Variants in SHCBP1 observed in about 807,000 individuals in gnomAD.
SHCBP1 encodes the protein SHC SH2 domain-binding protein 1.
In SHCBP1, 60 loss-of-function variants were observed where a neutral mutation model predicts 75.1. That is an observed-to-expected ratio of 0.80 (90% CI 0.65 to 0.99). SHCBP1 has a LOEUF of 0.99. Ranked by LOEUF, SHCBP1 falls within the 50% of genes least tolerant of loss-of-function variation. The pLI is 0.00. For missense variants in SHCBP1, 709 were observed against 809.4 expected (o/e 0.88, Z 1.50); for synonymous variants, 290 against 293.2 (o/e 0.99, Z 0.11).
At position 46,592,951 on chromosome 16, in the gene SHCBP1, C is replaced by CAAAAAAAAAAAA; in HGVS notation, c.1464+2589_1464+2600dup. ...AACATCCACTTATGATAAAAATTCT[C>CAAAAAAAAAAAA]AAAAAAAAAAAAAAAAAAAAAAAAA... is the stretch of plus-strand genomic sequence containing the variant. On this transcript the variant is annotated intron_variant, in intron 10 of 12. Coordinates refer to ENST00000303383, the MANE Select transcript of SHCBP1 (RefSeq NM_024745.5). Among the ~76,000 whole-genome samples the CAAAAAAAAAAAA allele has an allele frequency of 8.0e-3, 183 of 22,776 alleles. 20 individuals are homozygous for CAAAAAAAAAAAA. The highest frequency in any genetic ancestry group is 0.024 in the Admixed American group (23 of 954). 14.9% of individuals were successfully genotyped at this position (22,776 alleles called of 152,430 possible). A position where few individuals can be genotyped will look rare whatever the true frequency, so the allele number is the denominator to read the frequency against.
At chr16:46,601,900 C>T (rs1965243478) in intron 8 of SHCBP1, among the ~76,000 whole-genome samples, 1 of 152,160 alleles carries the variant, frequency 6.6e-6, no homozygotes. Flanking sequence ...GTACTATTGA[C>T]ACCCTGCACA....
chr16:46,585,684 T>A (rs1441033562), intron 10 of SHCBP1, among the ~76,000 whole-genome samples: 1 of 152,146 alleles, frequency 6.6e-6, no homozygotes, highest in African/African-American at 2.4e-5. Context: ...GAAAACTATA[T>A]GAGGAGCCTG....
At chr16:46,585,942 C>A (rs964665511) in intron 10 of SHCBP1, among the ~76,000 whole-genome samples, 1 of 152,192 alleles carries the variant, frequency 6.6e-6, no homozygotes. Context: ...ATGACTTCTA[C>A]CTCCACCAGT....
Position 46,615,967 on chromosome 16 carries a change from G to A in SHCBP1, c.575C>T (p.Ala192Val). 1 of 1,614,046 alleles carries A rather than the reference G, an allele frequency of 6.2e-7. No individual in the cohort carries two copies. The highest frequency in any genetic ancestry group is 8.5e-7 in the Non-Finnish European group (1 of 1,180,010). The change falls in exon 4 of 13, where the codon GCC (alanine) becomes GTC (valine). Residue 192 changes from alanine to valine, a missense_variant. Ala to Val is a moderately conservative substitution (Grantham distance 64). Transcript: ENST00000303383. Reference protein sequence around the residue: ...FDDSGVFDQTALAIEHVRFFY... With the variant: ...FDDSGVFDQTVLAIEHVRFFY... ...CTACCTGACATGCTCAATTGCAAGGGCTGTCTGGTCAAACACTCCTGAATC... is the reference window on the plus strand; with the variant it reads ...CTACCTGACATGCTCAATTGCAAGGACTGTCTGGTCAAACACTCCTGAATC...
Position 46,615,938 on chromosome 16 carries a change from T to C in SHCBP1, c.596+8A>G. 6.2e-7 allele frequency: 1 copy of C among 1,614,032 alleles called. No individual in the cohort carries two copies. On this transcript the variant is annotated splice_region_variant and intron_variant, in intron 4 of 12. Coordinates refer to ENST00000303383, the MANE Select transcript of SHCBP1 (RefSeq NM_024745.5). ...CACAAGGTTATTTTTCTCAACTTCTTTTCCTACCTGACATGCTCAATTGCA... is the reference window on the plus strand; with the variant it reads ...CACAAGGTTATTTTTCTCAACTTCTCTTCCTACCTGACATGCTCAATTGCA...
At chr16:46,609,077 G>A (rs1397797916) in intron 4 of SHCBP1, among the ~76,000 whole-genome samples, 1 of 152,166 alleles carries the variant, frequency 6.6e-6, no homozygotes, top group East Asian at 1.9e-4. Flanking sequence ...AAACCTGGTA[G>A]CTATCAACAC....
intron 4 of SHCBP1, among the ~76,000 whole-genome samples, chr16:46,610,778 C>T (rs1199880139): frequency 6.6e-6 from 1 of 151,500 alleles, no homozygotes; most frequent in Non-Finnish European, 1.5e-5. Context: ...AGGCTGGTCT[C>T]GAACTCCTGG....
At chr16:46,598,643 A>G (rs2142999768) in intron 9 of SHCBP1, among the ~76,000 whole-genome samples, 1 of 152,320 alleles carries the variant, frequency 6.6e-6, no homozygotes, top group Admixed American at 6.5e-5. Flanking sequence ...CACTGGCTTC[A>G]ACTTAAAGTC....
chr16:46,588,300 G>A (rs2142997963), intron 10 of SHCBP1, among the ~76,000 whole-genome samples: 1 of 152,148 alleles, frequency 6.6e-6, no homozygotes, highest in East Asian at 1.9e-4. Context: ...GCTAGCAGAA[G>A]GCAAGAAATC....
chr16:46,615,070 T>G (rs995857575), intron 4 of SHCBP1, among the ~76,000 whole-genome samples: 1 of 152,194 alleles, frequency 6.6e-6, no homozygotes, highest in East Asian at 1.9e-4. Flanking sequence ...CTTCTTCCTC[T>G]TCCTCCTCTG....
At chr16:46,605,557 C>T (rs534710692) in intron 5 of SHCBP1, among the ~76,000 whole-genome samples, 6 of 152,068 alleles carry the variant, frequency 3.9e-5, no homozygotes, top group Admixed American at 3.3e-4. Context: ...CACTGTACTC[C>T]GTACTCCAGC....
At chr16:46,585,987 C>T (rs936748180) in intron 10 of SHCBP1, among the ~76,000 whole-genome samples, 1 of 152,188 alleles carries the variant, frequency 6.6e-6, no homozygotes, top group African/African-American at 2.4e-5. Flanking sequence ...CAACCCTGTC[C>T]CTTCTTGTAG....
At chr16:46,604,875 C>T (rs1965301444) in intron 5 of SHCBP1, among the ~76,000 whole-genome samples, 1 of 152,052 alleles carries the variant, frequency 6.6e-6, no homozygotes, top group Non-Finnish European at 1.5e-5. Context: ...CAAATTGTTT[C>T]ACAACAATGT....
Position 46,618,260 on chromosome 16 carries a change from T to C in SHCBP1, c.216A>G (p.Gln72=). 6.2e-7 allele frequency: 1 copy of C among 1,613,650 alleles called. No homozygotes were observed. Among genetic ancestry groups the C allele is most frequent in the Admixed American group, 1.7e-5 (1 of 59,940 alleles). The change falls in exon 2 of 13, where the codon CAA becomes CAG. Residue 72 remains glutamine, a synonymous_variant. Transcript: ENST00000303383. ...GCTCATAGAACAAAAGTTGATTTGT[T>C]TGGAAAATTTCTGGGAAAAAGGTTT... is the stretch of plus-strand genomic sequence containing the variant. ...EGKTFFPEIF[Q]TNQLLFYERF... is the part of the protein sequence containing the mutation.
intron 10 of SHCBP1, among the ~76,000 whole-genome samples, chr16:46,592,383 T>C (rs188538728): frequency 1.3e-5 from 2 of 152,224 alleles, no homozygotes; most frequent in East Asian, 3.9e-4. Context: ...AAGCACAAAC[T>C]ACCAAAATAT....
intron 4 of SHCBP1, among the ~76,000 whole-genome samples, chr16:46,610,543 A>ATTTTTTTTTTTTTT (rs1567452466): frequency 7.4e-5 from 1 of 13,574 alleles, no homozygotes; most frequent in African/African-American, 1.6e-4. Context: ...CCATGGGGTC[A>ATTTTTTTTTTTTTT]ATTTTTTTTT....
rs1383561678 is a variant in SHCBP1, at chr16:46,621,373, G to A, written c.-14C>T. The A allele has an allele frequency of 1.2e-6, 2 of 1,609,886 alleles. No homozygotes were observed. The highest frequency in any genetic ancestry group is 8.5e-7 in the Non-Finnish European group (1 of 1,178,192). ...CCCGTCAGCCATTTCAAATTTCCGC[G>A]GACGGCAGCCCAGGCAACGACGTGA... On this transcript the variant is annotated 5_prime_UTR_variant, in exon 1 of 13. Coordinates refer to ENST00000303383, the MANE Select transcript of SHCBP1 (RefSeq NM_024745.5).
At chr16:46,610,134 T>C (rs1172262766) in intron 4 of SHCBP1, among the ~76,000 whole-genome samples, 1 of 151,598 alleles carries the variant, frequency 6.6e-6, no homozygotes, top group Non-Finnish European at 1.5e-5. Flanking sequence ...GTATTTTTCG[T>C]AGAGATAGGG....
chr16:46,595,178 G>A (rs1378911343), intron 10 of SHCBP1, among the ~76,000 whole-genome samples: 2 of 152,164 alleles, frequency 1.3e-5, no homozygotes, highest in East Asian at 1.9e-4. Context: ...TGACAGGATC[G>A]ATGTCAGTAT....
Sources: allele counts gnomAD v4.1 joint callset (sites outside exome capture counted in the v4.1 genomes callset), GRCh38; gene constraint gnomAD v4.1.1; transcripts MANE v1.5; gene names NCBI Gene and HGNC (gene_info 2026-07-23, HGNC 2026-07-21).